Variants in SOX6 observed in about 807,000 individuals in gnomAD.
SOX6 encodes the protein SRY-box transcription factor 6, also known as transcription factor SOX-6.
Under a neutral mutation model 97.8 loss-of-function variants are expected in SOX6, and 11 were observed. The ratio of observed to expected loss-of-function variants is 0.11; its 90% CI spans 0.07 to 0.19. The LOEUF is 0.19. Among genes scored for constraint, SOX6 ranks in the 10% least tolerant of loss-of-function variants. The probability of loss-of-function intolerance (pLI) is 1.00; values close to 1 mark genes in which losing one functional copy is unlikely to be tolerated. For missense variants in SOX6, 810 were observed against 1,039.5 expected, an observed-to-expected ratio of 0.78 and a Z score of 3.04; for synonymous variants, 360 against 371.4, an observed-to-expected ratio of 0.97 and a Z score of 0.35.
chr11:16,380,841 T>C (rs1042718610), intron 1 of SOX6, among the ~76,000 whole-genome samples: 11 of 152,006 alleles, frequency 7.2e-5, no homozygotes, highest in African/African-American at 2.7e-4. Context: ...AAAAATAACA[T>C]ACTGACACTG....
intron 3 of SOX6, among the ~76,000 whole-genome samples, chr11:16,612,726 G>A (rs926140121): frequency 7.9e-5 from 12 of 151,794 alleles, no homozygotes; most frequent in Non-Finnish European, 1.5e-4. Flanking sequence ...GCCTGTACAG[G>A]GTCCATTTCT....
intron 6 of SOX6, among the ~76,000 whole-genome samples, chr11:16,161,971 C>T (rs548258938): frequency 1.4e-3 from 206 of 152,226 alleles, no homozygotes; most frequent in African/African-American, 4.9e-3. Context: ...CTGTTTCTTC[C>T]TTGTCCTAAA....
intron 6 of SOX6, among the ~76,000 whole-genome samples, chr11:16,121,217 C>T (rs1849482168): frequency 6.6e-6 from 1 of 151,968 alleles, no homozygotes. Context: ...ATTGAATTTT[C>T]AGAGAAAAGA....
intron 1 of SOX6, among the ~76,000 whole-genome samples, chr11:16,431,217 C>T (rs2133076167): frequency 6.6e-6 from 1 of 152,170 alleles, no homozygotes; most frequent in African/African-American, 2.4e-5. Context: ...CTTTGCCATG[C>T]TTCATATCAC....
chr11:16,665,386 A>G (rs1847799793), intron 3 of SOX6, among the ~76,000 whole-genome samples: 1 of 152,150 alleles, frequency 6.6e-6, no homozygotes, highest in Non-Finnish European at 1.5e-5. Flanking sequence ...GCCTTGAATG[A>G]ACATTTGTGG....
In SOX6 at chr11:16,672,869, G is replaced by C. The variant is rs536772812; in HGVS notation, n.429+41961C>G. On this transcript the variant is annotated intron_variant and non_coding_transcript_variant, in intron 3 of 5. Coordinates refer to the SOX6 transcript ENST00000524520. The stretch of plus-strand genomic sequence containing the variant: ...AAATGGAAATCAGAAAAAAGCAGGG[G>C]TTGCAATCCTAATTTCAAACAGAAT... 2.6e-5 allele frequency among the ~76,000 whole-genome samples: 4 copies of C among 152,228 alleles called. No homozygotes were observed. In the South Asian group the frequency reaches 8.3e-4, roughly 32 times the overall value.
At chr11:16,336,317 G>A (rs574825260) in intron 2 of SOX6, among the ~76,000 whole-genome samples, 5 of 152,188 alleles carry the variant, frequency 3.3e-5, no homozygotes, top group East Asian at 3.9e-4. Flanking sequence ...TTCTCTGGCC[G>A]AGAGCATTTC....
chr11:16,254,757 G>T (rs796688496), intron 3 of SOX6, among the ~76,000 whole-genome samples: 1 of 151,846 alleles, frequency 6.6e-6, no homozygotes, highest in African/African-American at 2.4e-5. Flanking sequence ...ACCAAATATG[G>T]GTAGGTACTA....
At chr11:16,317,280 A>G (rs1249480677) in intron 3 of SOX6, 1 of 151,134 alleles carries the variant, frequency 6.6e-6, no homozygotes, top group Non-Finnish European at 1.5e-5. Context: ...TAATACAATA[A>G]GCCAAATGTA....
intron 3 of SOX6, among the ~76,000 whole-genome samples, chr11:16,281,303 G>GCT (rs558915128): frequency 1.3e-5 from 2 of 151,604 alleles, no homozygotes; most frequent in Non-Finnish European, 2.9e-5. Context: ...CTGCCTGCAT[G>GCT]CTCTCTCTCT....
intron 3 of SOX6, among the ~76,000 whole-genome samples, chr11:16,711,556 A>G (rs1312354169): frequency 6.6e-6 from 1 of 152,210 alleles, no homozygotes; most frequent in East Asian, 1.9e-4. Context: ...TACTTTTAAG[A>G]TAAAATCTTA....
At chr11:16,516,704 A>G (rs545386982) in intron 4 of SOX6, among the ~76,000 whole-genome samples, 2 of 148,836 alleles carry the variant, frequency 1.3e-5, no homozygotes, top group African/African-American at 2.5e-5. Context: ...CCAACCAAAA[A>G]GAGTCCAGGA....
chr11:16,546,707 G>A (rs1179273083), intron 4 of SOX6, among the ~76,000 whole-genome samples: 1 of 152,014 alleles, frequency 6.6e-6, no homozygotes, highest in African/African-American at 2.4e-5. Flanking sequence ...TCTAGGCAAC[G>A]AATTTTATAG....
At chr11:16,176,386 G>A (rs1301501369) in intron 6 of SOX6, among the ~76,000 whole-genome samples, 1 of 151,858 alleles carries the variant, frequency 6.6e-6, no homozygotes, top group Non-Finnish European at 1.5e-5. Flanking sequence ...ATGGAATGCT[G>A]TCACTCACTG....
Position 16,056,339 on chromosome 11 carries a change from G to A in SOX6, c.1102-438C>T, listed in dbSNP as rs150331260. Among the ~76,000 whole-genome samples, 367 of 152,220 alleles carry A rather than the reference G, an allele frequency of 2.4e-3. 1 individual carries two copies. Among genetic ancestry groups the A allele is most frequent in the African/African-American group, 7.9e-3 (328 of 41,538 alleles). ...ATTTCTAAGGATTCTTGGAAGAACTGTATCATTCTTATTTAGCTCTGACTC... is the reference window on the plus strand; with the variant it reads ...ATTTCTAAGGATTCTTGGAAGAACTATATCATTCTTATTTAGCTCTGACTC... On this transcript the variant is annotated intron_variant, in intron 9 of 15. Transcript: ENST00000683767.
At chr11:16,123,846 G>A (rs1185228642) in intron 6 of SOX6, among the ~76,000 whole-genome samples, 1 of 152,074 alleles carries the variant, frequency 6.6e-6, no homozygotes, top group Non-Finnish European at 1.5e-5. Context: ...AAAAAGAGAT[G>A]TCGCTGTTAA....
At chr11:16,316,734 C>T (rs1488389042) in intron 3 of SOX6, 1 of 152,002 alleles carries the variant, frequency 6.6e-6, no homozygotes, top group Non-Finnish European at 1.5e-5. Flanking sequence ...GAACTGAAAC[C>T]ATCTTTTGGT....
At position 16,114,890 on chromosome 11, in the gene SOX6, T is replaced by G. The variant is rs1053098046; in HGVS notation, c.778-2967A>C. Among the ~76,000 whole-genome samples, 3 of 123,328 alleles carry G rather than the reference T, an allele frequency of 2.4e-5. No homozygotes were observed. In the South Asian group the frequency reaches 6.8e-4, roughly 28 times the overall value. 80.9% of individuals were successfully genotyped at this position (123,328 alleles called of 152,430 possible). A position where few individuals can be genotyped will look rare whatever the true frequency, so the allele number is the denominator to read the frequency against. ...GGTCAATAGCAATTAGAAACCAGAA[T>G]TAATTCTTGAATCTCAGTGCCTTAA... is the stretch of plus-strand genomic sequence containing the variant. On this transcript the variant is annotated intron_variant, in intron 6 of 15. Coordinates refer to ENST00000683767, the MANE Select transcript of SOX6 (RefSeq NM_001367873.1).
At chr11:16,669,312 A>G (rs1313822529) in intron 3 of SOX6, among the ~76,000 whole-genome samples, 1 of 152,256 alleles carries the variant, frequency 6.6e-6, no homozygotes, top group Non-Finnish European at 1.5e-5. Context: ...TGAAGAAATT[A>G]AAAAGAAAAT....
Sources: gnomAD v4.1 joint callset for allele counts (sites outside exome capture counted in the v4.1 genomes callset) on GRCh38, gnomAD v4.1.1 for gene constraint, MANE v1.5 for transcripts, NCBI Gene and HGNC (gene_info 2026-07-23, HGNC 2026-07-21) for gene names.